Variants in KIF26B observed in about 807,000 individuals in gnomAD.
KIF26B encodes kinesin family member 26B, also known as kinesin-like protein KIF26B.
Under a neutral mutation model 151.2 loss-of-function variants are expected in KIF26B, and 63 were observed. The ratio of observed to expected loss-of-function variants is 0.42; its 90% CI spans 0.34 to 0.51. The LOEUF is 0.51. Among genes scored for constraint, KIF26B ranks in the 20% least tolerant of loss-of-function variants. KIF26B has a pLI of 0.07. For missense variants in KIF26B, 2,813 were observed against 2,913.6 expected (o/e 0.97, Z 0.79); for synonymous variants, 1,357 against 1,262.1 (o/e 1.08, Z -1.59).
At chr1:245,190,186 A>C (rs1669074984) in intron 2 of KIF26B, among the ~76,000 whole-genome samples, 1 of 152,194 alleles carries the variant, frequency 6.6e-6, no homozygotes, top group Admixed American at 6.5e-5. Context: ...CTCCCACAGC[A>C]TGTGGGAATT....
intron 4 of KIF26B, among the ~76,000 whole-genome samples, chr1:245,492,153 ACT>A (rs1660421266): frequency 2.0e-5 from 3 of 152,240 alleles, no homozygotes; most frequent in East Asian, 1.9e-4. Context: ...ATGCTGTTGT[ACT>A]CTCTGCATCT....
At chr1:245,649,378 C>A (rs2043989193) in intron 10 of KIF26B, among the ~76,000 whole-genome samples, 1 of 152,222 alleles carries the variant, frequency 6.6e-6, no homozygotes, top group South Asian at 2.1e-4. Flanking sequence ...CCCACGCCCA[C>A]TTCTCATCAA....
chr1:245,271,249 G>T (rs1196365172), intron 2 of KIF26B, among the ~76,000 whole-genome samples: 2 of 151,994 alleles, frequency 1.3e-5, no homozygotes, highest in Non-Finnish European at 2.9e-5. Flanking sequence ...CTTTGTGGTT[G>T]GTTCCATGTG....
intron 2 of KIF26B, among the ~76,000 whole-genome samples, chr1:245,213,025 A>C (rs1669575654): frequency 6.6e-6 from 1 of 152,248 alleles, no homozygotes; most frequent in Non-Finnish European, 1.5e-5. Context: ...ATATCCTTTA[A>C]ATCAGTGTGG....
In KIF26B at chr1:245,210,508, C is replaced by CTTTTTT. The variant is rs35803033; in HGVS notation, c.465+53837_465+53842dup. Among the ~76,000 whole-genome samples the CTTTTTT allele has an allele frequency of 5.4e-5, 7 of 129,760 alleles. 1 individual carries two copies. Among genetic ancestry groups the CTTTTTT allele is most frequent in the Non-Finnish European group, 6.4e-5 (4 of 62,332 alleles). The allele number at this position is 129,760 out of a possible 152,430, so 85.1% of individuals were successfully genotyped here. On this transcript the variant is annotated intron_variant, in intron 2 of 14. Transcript: ENST00000407071. ...ACTGTCTGGAACCCAATATCCTAAG[C>CTTTTTT]TTTTTTTTTTTTTTTTTACTGTATT...
chr1:245,432,569 G>T (rs1262098237), intron 4 of KIF26B, among the ~76,000 whole-genome samples: 1 of 152,158 alleles, frequency 6.6e-6, no homozygotes, highest in Admixed American at 6.5e-5. Context: ...TTCTTCCCTT[G>T]AATAAACTTC....
chr1:245,431,530 G>C (rs1431338543), intron 4 of KIF26B, among the ~76,000 whole-genome samples: 1 of 152,136 alleles, frequency 6.6e-6, no homozygotes, highest in East Asian at 1.9e-4. Context: ...ATTTTTAGTA[G>C]AGACAGGGTT....
At chr1:245,408,707 G>A (rs1018357438) in intron 3 of KIF26B, among the ~76,000 whole-genome samples, 2 of 152,044 alleles carry the variant, frequency 1.3e-5, no homozygotes, top group African/African-American at 4.8e-5. Flanking sequence ...CACATTTTCT[G>A]AAGAGGGTGG....
chr1:245,291,798 G>A (rs1016275079), intron 2 of KIF26B, among the ~76,000 whole-genome samples: 6 of 152,212 alleles, frequency 3.9e-5, no homozygotes, highest in Non-Finnish European at 7.3e-5. Context: ...CATGGAGGAG[G>A]TGGCGGTGAC....
chr1:245,448,750 A>G (rs893236192), intron 4 of KIF26B, among the ~76,000 whole-genome samples: 31 of 152,326 alleles, frequency 2.0e-4, no homozygotes, highest in Middle Eastern at 3.4e-3. Flanking sequence ...TGGGATTGGC[A>G]TCACAACCTA....
At chr1:245,326,432 C>G (rs775722815) in intron 2 of KIF26B, among the ~76,000 whole-genome samples, 1 of 152,186 alleles carries the variant, frequency 6.6e-6, no homozygotes, top group Non-Finnish European at 1.5e-5. Context: ...TATTTCTTCC[C>G]ACCCAGCTAG....
rs931560178 is a variant in KIF26B, at chr1:245,244,308, A to G, written c.465+87625A>G. Among the ~76,000 whole-genome samples, 1 of 151,954 alleles carries G rather than the reference A, an allele frequency of 6.6e-6. No individual in the cohort carries two copies. Among genetic ancestry groups the G allele is most frequent in the Non-Finnish European group, 1.5e-5 (1 of 68,002 alleles). On this transcript the variant is annotated intron_variant, in intron 2 of 14. Coordinates refer to ENST00000407071, the MANE Select transcript of KIF26B (RefSeq NM_018012.4). The surrounding 1 kb of genome is among the most constrained non-coding windows in gnomAD (Gnocchi z 4.2). The stretch of plus-strand genomic sequence containing the variant: ...ATTCTATATGTTCTTCTAAAAGCCC[A>G]TTTGTTCCATTACTCTGAAAGACAA...
Position 245,374,033 on chromosome 1 carries a change from G to A in KIF26B, c.999+6666G>A, listed in dbSNP as rs571093042. On this transcript the variant is annotated intron_variant, in intron 3 of 14. Coordinates refer to ENST00000407071, the MANE Select transcript of KIF26B (RefSeq NM_018012.4). ...TGATTGTACCACTGCCTGTAACCTG[G>A]GTGACAGAGACCCGAGAACCTATCT... Among the ~76,000 whole-genome samples the A allele has an allele frequency of 2.1e-4, 24 of 114,826 alleles. 1 individual carries two copies. The highest frequency in any genetic ancestry group is 3.5e-4 in the Admixed American group (3 of 8,576). The allele number at this position is 114,826 out of a possible 152,430, so 75.3% of individuals were successfully genotyped here.
At chr1:245,407,006 TTGAACCCC>T (rs1402342137) in intron 3 of KIF26B, among the ~76,000 whole-genome samples, 2 of 152,180 alleles carry the variant, frequency 1.3e-5, no homozygotes, top group African/African-American at 4.8e-5. Flanking sequence ...CAGGCTGGTC[TTGAACCCC>T]TGACCTCAAG....
chr1:245,703,448 G>A lies in KIF26B; in HGVS notation c.*842G>A, dbSNP rs2147973277. 6.6e-6 allele frequency: 1 copy of A among 152,312 alleles called. No individual in the cohort carries two copies. Among genetic ancestry groups the A allele is most frequent in the Admixed American group, 6.5e-5 (1 of 15,298 alleles). 9.4% of individuals were successfully genotyped at this position (152,312 alleles called of 1,614,324 possible). A position where few individuals can be genotyped will look rare whatever the true frequency, so the allele number is the denominator to read the frequency against. ...TGAGGAGACGGCACCTGCAGCACAG[G>A]GGAGGAGGAGTCCTTTGCGACCTGG... is the stretch of plus-strand genomic sequence containing the variant. On this transcript the variant is annotated 3_prime_UTR_variant, in exon 15 of 15. Coordinates refer to ENST00000407071, the MANE Select transcript of KIF26B (RefSeq NM_018012.4).
chr1:245,366,796 T>A, intron 2 of KIF26B, 38 bp from the exon 3 acceptor site: 1 of 1,599,138 alleles, frequency 6.3e-7, no homozygotes, highest in Non-Finnish European at 8.6e-7. Context: ...GCCTTGGAGT[T>A]ATAGAATCTC....
chr1:245,655,295 G>A (rs1022265968), intron 10 of KIF26B, among the ~76,000 whole-genome samples: 1 of 152,200 alleles, frequency 6.6e-6, no homozygotes, highest in Non-Finnish European at 1.5e-5. Flanking sequence ...GGTAGACAAA[G>A]AGACGTGCTT....
At position 245,292,144 on chromosome 1, in the gene KIF26B, G is replaced by A. The variant is rs76995432; in HGVS notation, c.466-74690G>A. 3.9e-3 allele frequency among the ~76,000 whole-genome samples: 592 copies of A among 152,320 alleles called. 2 individuals are homozygous for A. The highest frequency in any genetic ancestry group is 6.7e-3 in the Non-Finnish European group (456 of 68,026). ...CCACCATCAAAACACTCTACCCAGC[G>A]GGGTGTGAGGAAGAAAGCAATCCGA... On this transcript the variant is annotated intron_variant, in intron 2 of 14. Coordinates refer to ENST00000407071, the MANE Select transcript of KIF26B (RefSeq NM_018012.4).
rs1296819205 is a variant in KIF26B, at chr1:245,375,384, T to A, written c.999+8017T>A. ...GAACCACCACATCCGGCCAAGGAGA[T>A]CATTTTAGACTATCTGGGTGGACTC... On this transcript the variant is annotated intron_variant, in intron 3 of 14. Transcript: ENST00000407071. This position sits in a 1 kb window ranked among gnomAD's most constrained non-coding sequence, Gnocchi z 4.2. Among the ~76,000 whole-genome samples, 1 of 152,012 alleles carries A rather than the reference T, an allele frequency of 6.6e-6. No homozygotes were observed. The highest frequency in any genetic ancestry group is 2.4e-5 in the African/African-American group (1 of 41,402).
Sources: gnomAD v4.1 joint callset for allele counts (sites outside exome capture counted in the v4.1 genomes callset) on GRCh38, gnomAD v4.1.1 for gene constraint, Gnocchi (gnomAD v3.1) non-coding constraint, MANE v1.5 for transcripts, NCBI Gene and HGNC (gene_info 2026-07-23, HGNC 2026-07-21) for gene names.